The following MAU2 variants were observed in gnomAD, a reference collection of about 807,000 sequenced individuals.
MAU2 encodes MAU2 chromatid cohesion factor homolog.
In MAU2, 9 loss-of-function variants were observed where a neutral mutation model predicts 89.1. That is an observed-to-expected ratio of 0.10 (90% CI 0.06 to 0.18). The LOEUF (loss-of-function observed/expected upper bound fraction) is 0.18. Ranked by LOEUF, MAU2 falls within the 10% of genes least tolerant of loss-of-function variation. The pLI is 1.00. For synonymous variants in MAU2, 357 were observed against 343.4 expected (o/e 1.04, Z -0.44); for missense variants, 425 against 803.5 (o/e 0.53, Z 5.69).
At position 19,342,625 on chromosome 19, in the gene MAU2, C is replaced by T. The variant is rs766997937; in HGVS notation, c.826C>T (p.Pro276Ser). ...LHDDEILPSN[P>S]ADLFHWLPKE... The stretch of plus-strand genomic sequence containing the variant: ...CGATGATGAGATCCTGCCCAGCAAC[C>T]CCGCTGACCTCTTCCACTGGCTGCC... Residue 276 changes from proline (P) to serine (S), a missense_variant, in exon 8 of 19, where the codon CCC becomes TCC. By Grantham distance (74) the Pro-to-Ser change is moderately conservative. Coordinates refer to ENST00000262815, the MANE Select transcript of MAU2 (RefSeq NM_015329.4). The T allele has an allele frequency of 6.2e-7, 1 of 1,613,376 alleles. No individual in the cohort carries two copies. The highest frequency in any genetic ancestry group is 8.5e-7 in the Non-Finnish European group (1 of 1,179,604).
intron 1 of MAU2, among the ~76,000 whole-genome samples, chr19:19,327,301 G>GTATT (rs147425412): frequency 0.07 from 9,948 of 142,072 alleles, 440 homozygotes; most frequent in East Asian, 0.11. Flanking sequence ...TTTTCTACTT[G>GTATT]TATTTATTTA....
intron 16 of MAU2, among the ~76,000 whole-genome samples, chr19:19,351,796 C>A (rs561164487): frequency 6.6e-6 from 1 of 151,418 alleles, no homozygotes; most frequent in Non-Finnish European, 1.5e-5. Flanking sequence ...CCACTGCCCA[C>A]GTCTCCCACG....
intron 1 of MAU2, chr19:19,334,121 C>CG: frequency 1.0e-6 from 1 of 976,256 alleles, no homozygotes; most frequent in Non-Finnish European, 1.2e-6. Context: ...AAAAAAGCCC[C>CG]CAACTTCTGC....
Position 19,343,075 on chromosome 19 carries a change from A to G in MAU2, c.973+209A>G, listed in dbSNP as rs532670905. ...GCCTGGGGTCGGGGGTACCTCCCTGACTGGTCAGGTCCCTTGTGCCCAGTC... is the reference window on the plus strand; with the variant it reads ...GCCTGGGGTCGGGGGTACCTCCCTGGCTGGTCAGGTCCCTTGTGCCCAGTC... On this transcript the variant is annotated intron_variant, in intron 9 of 18. Transcript: ENST00000262815. Among the ~76,000 whole-genome samples, 21 of 152,260 alleles carry G rather than the reference A, an allele frequency of 1.4e-4. No individual in the cohort carries two copies. In the East Asian group the frequency reaches 3.3e-3, roughly 24 times the overall value.
intron 10 of MAU2, chr19:19,344,496 G>T: frequency 2.8e-6 from 1 of 352,568 alleles, no homozygotes; most frequent in South Asian, 4.3e-5. Context: ...CTGGGGATTT[G>T]GGGGGTCCTT....
intron 1 of MAU2, among the ~76,000 whole-genome samples, chr19:19,330,609 G>A (rs576046594): frequency 3.3e-5 from 5 of 152,202 alleles, no homozygotes; most frequent in Non-Finnish European, 5.9e-5. Flanking sequence ...GCGTGATGGC[G>A]CATGCCTGTA....
intron 1 of MAU2, among the ~76,000 whole-genome samples, chr19:19,330,355 G>A (rs2061545999): frequency 6.6e-6 from 1 of 152,046 alleles, no homozygotes. Flanking sequence ...GGCACTTTGG[G>A]AGGCTGAGGT....
chr19:19,340,852 G>C lies in MAU2; in HGVS notation c.558G>C (p.Leu186=), dbSNP rs1220109097. ...RVVGSEYTRA[L]FLLSKGMLLL... is the part of the protein sequence containing the mutation. Reference sequence around the variant, plus strand: ...CCTGCCTCTTGTTTTGCAGGGCGCTGTTCCTCCTCAGCAAGGGGATGGTAA... The same window carrying C: ...CCTGCCTCTTGTTTTGCAGGGCGCTCTTCCTCCTCAGCAAGGGGATGGTAA... Residue 186 remains leucine, a synonymous_variant, in exon 6 of 19, where the codon CTG becomes CTC. Transcript: ENST00000262815. The C allele has an allele frequency of 1.3e-5, 21 of 1,613,432 alleles. No homozygotes were observed. The highest frequency in any genetic ancestry group is 1.7e-5 in the Non-Finnish European group (20 of 1,179,914).
intron 1 of MAU2, among the ~76,000 whole-genome samples, chr19:19,333,627 A>G (rs1038184787): frequency 2.0e-5 from 3 of 151,408 alleles, no homozygotes. Context: ...TTTGAAGTCT[A>G]CCCGCCACAG....
rs560338964 is a variant in MAU2, at chr19:19,345,567, C to T, written c.1221+198C>T. 5.3e-5 allele frequency among the ~76,000 whole-genome samples: 8 copies of T among 152,314 alleles called. No individual in the cohort carries two copies. Among genetic ancestry groups the T allele is most frequent in the African/African-American group, 1.9e-4 (8 of 41,566 alleles). ...ATCTGGATAAGGGACAGCTATGGGG[C>T]CAGGGGCTTCCTGAGCTGACCCAAG... On this transcript the variant is annotated intron_variant, in intron 12 of 18. Coordinates refer to ENST00000262815, the MANE Select transcript of MAU2 (RefSeq NM_015329.4). The surrounding 1 kb of genome is among the most constrained non-coding windows in gnomAD (Gnocchi z 4.9).
At chr19:19,342,734 G>A in intron 8 of MAU2, 42 bp from the exon 9 acceptor site, 4 of 1,613,798 alleles carry the variant, frequency 2.5e-6, no homozygotes, top group African/African-American at 1.3e-5. Context: ...CAGGGAGAGG[G>A]AGAGGGCCCT....
Position 19,345,627 on chromosome 19 carries a change from G to A in MAU2, c.1221+258G>A, listed in dbSNP as rs527599629. On this transcript the variant is annotated intron_variant, in intron 12 of 18. Coordinates refer to ENST00000262815, the MANE Select transcript of MAU2 (RefSeq NM_015329.4). The surrounding 1 kb of genome is among the most constrained non-coding windows in gnomAD (Gnocchi z 4.9). The stretch of plus-strand genomic sequence containing the variant: ...GAGGGAGAGGTGCGACGCGTCCGGG[G>A]ACACCACTTTCATGCCTGAGTGGGA... Among the ~76,000 whole-genome samples, 4 of 152,324 alleles carry A rather than the reference G, an allele frequency of 2.6e-5. No individual in the cohort carries two copies. The East Asian group carries it at 5.8e-4, about 22-fold the overall frequency.
At chr19:19,355,443 T>C in intron 18 of MAU2, 52 bp downstream of exon 18, 4 of 1,601,972 alleles carry the variant, frequency 2.5e-6, no homozygotes, top group Non-Finnish European at 3.4e-6. Flanking sequence ...GCTCCCCACC[T>C]GCAAGAGGAA....
Position 19,345,194 on chromosome 19 carries a change from A to G in MAU2, c.1156-110A>G. The G allele has an allele frequency of 1.0e-6, 1 of 976,034 alleles. No homozygotes were observed. Among genetic ancestry groups the G allele is most frequent in the South Asian group, 1.4e-5 (1 of 73,200 alleles). The allele number at this position is 976,034 out of a possible 1,614,324, so 60.5% of individuals were successfully genotyped here. On this transcript the variant is annotated intron_variant, in intron 11 of 18. Coordinates refer to ENST00000262815, the MANE Select transcript of MAU2 (RefSeq NM_015329.4). This position sits in a 1 kb window ranked among gnomAD's most constrained non-coding sequence, Gnocchi z 4.9. Reference sequence around the variant, plus strand: ...GCCTTGCAGCTGGCTCGGTAGAGCCATTGTCATACTCCTCCAGGGCAGCCG... The same window carrying G: ...GCCTTGCAGCTGGCTCGGTAGAGCCGTTGTCATACTCCTCCAGGGCAGCCG...
chr19:19,333,582 A>G (rs2061573926), intron 1 of MAU2, among the ~76,000 whole-genome samples: 2 of 152,224 alleles, frequency 1.3e-5, no homozygotes, highest in Non-Finnish European at 2.9e-5. Flanking sequence ...AAGGGGGTGT[A>G]GTATTCTGAG....
chr19:19,336,052 C>T (rs1372055769), intron 2 of MAU2, 70 bp from the exon 3 acceptor site: 3 of 1,112,826 alleles, frequency 2.7e-6, no homozygotes, highest in Non-Finnish European at 1.4e-6. Flanking sequence ...AGGGTAGGAG[C>T]CCCAAGCTGT....
intron 13 of MAU2, chr19:19,348,450 G>C (rs1413809409): frequency 1.1e-5 from 3 of 273,160 alleles, no homozygotes; most frequent in African/African-American, 2.3e-5. Flanking sequence ...GCTCCCCTGT[G>C]CCTCTGCAGC....
Position 19,323,496 on chromosome 19 carries a change from TTTTATTTA to T in MAU2, c.276+2381_276+2388del, listed in dbSNP as rs373778998. The stretch of plus-strand genomic sequence containing the variant: ...GGTGTGAGTCACCACATCTGGCCAG[TTTTATTTA>T]TTTATTTATTTATTTATTTTGAGAC... On this transcript the variant is annotated intron_variant, in intron 1 of 18. Coordinates refer to ENST00000262815, the MANE Select transcript of MAU2 (RefSeq NM_015329.4). 2.6e-5 allele frequency among the ~76,000 whole-genome samples: 4 copies of T among 151,492 alleles called. No individual in the cohort carries two copies. In the East Asian group the frequency reaches 7.7e-4, roughly 29 times the overall value.
chr19:19,329,200 T>G, intron 1 of MAU2: 1 of 444,582 alleles, frequency 2.2e-6, no homozygotes, highest in East Asian at 7.0e-5. Flanking sequence ...AACTGTGTCC[T>G]GCTAAATTCC....
Sources: gnomAD v4.1 joint callset for allele counts (sites outside exome capture counted in the v4.1 genomes callset) on GRCh38, gnomAD v4.1.1 for gene constraint, Gnocchi (gnomAD v3.1) non-coding constraint, MANE v1.5 for transcripts, NCBI Gene and HGNC (gene_info 2026-07-23, HGNC 2026-07-21) for gene names.